The following KIF21B variants were observed in gnomAD, a reference collection of about 807,000 sequenced individuals.
KIF21B encodes kinesin family member 21B, also known as kinesin-like protein KIF21B.
In KIF21B, 85 loss-of-function variants were observed where a neutral mutation model predicts 192.9. The ratio of observed to expected loss-of-function variants is 0.44; its 90% CI spans 0.37 to 0.53. The LOEUF is 0.53. Among genes scored for constraint, KIF21B ranks in the 20% least tolerant of loss-of-function variants. The probability of loss-of-function intolerance (pLI) is 0.00; values close to 1 mark genes in which losing one functional copy is unlikely to be tolerated. For missense variants in KIF21B, 1,716 were observed against 2,194.8 expected (o/e 0.78, Z 4.36); for synonymous variants, 832 against 884.6 (o/e 0.94, Z 1.05).
intron 21 of KIF21B, 32 bp from the exon 22 acceptor site, chr1:200,988,963 C>T: frequency 6.3e-7 from 1 of 1,582,970 alleles, no homozygotes; most frequent in Non-Finnish European, 8.6e-7. Flanking sequence ...TGGAGTTACC[C>T]CTCCTGGGGG....
chr1:200,996,310 C>T lies in KIF21B; in HGVS notation c.2163G>A (p.Leu721=), dbSNP rs1267471214. Residue 721 remains leucine (L), a synonymous_variant, in exon 15 of 35, where the codon CTG becomes CTA. Transcript: ENST00000461742. ...EKRLREMNRD[L]QKLQAAQKEH... is the part of the protein sequence containing the mutation. ...CTTTCTGGGCGGCCTGCAGCTTCTG[C>T]AGGTCCCGGTTCATCTCCCGCAGCC... The T allele has an allele frequency of 4.3e-6, 7 of 1,614,048 alleles. No homozygotes were observed. Among genetic ancestry groups the T allele is most frequent in the Non-Finnish European group, 5.9e-6 (7 of 1,180,044 alleles).
At chr1:200,995,463 C>G (rs1367479317) in intron 15 of KIF21B, among the ~76,000 whole-genome samples, 1 of 152,212 alleles carries the variant, frequency 6.6e-6, no homozygotes, top group East Asian at 1.9e-4. Context: ...GGAGCCAGAA[C>G]ACACCAGACA....
At chr1:201,007,916 G>GAC (rs1192745410) in intron 3 of KIF21B, among the ~76,000 whole-genome samples, 1 of 152,128 alleles carries the variant, frequency 6.6e-6, no homozygotes, top group Admixed American at 6.5e-5. Flanking sequence ...TATCAGAAGC[G>GAC]AAAGTCCAGA....
At chr1:201,012,836 G>A (rs1401963628) in intron 1 of KIF21B, among the ~76,000 whole-genome samples, 4 of 152,068 alleles carry the variant, frequency 2.6e-5, no homozygotes, top group Non-Finnish European at 4.4e-5. Flanking sequence ...TAGAGACAAC[G>A]TTTTGCCATG....
intron 3 of KIF21B, among the ~76,000 whole-genome samples, chr1:201,007,649 C>G (rs1377536481): frequency 6.6e-6 from 1 of 151,306 alleles, no homozygotes; most frequent in Non-Finnish European, 1.5e-5. Flanking sequence ...CACACACACA[C>G]ACAGACGCGC....
chr1:201,010,291 A>C (rs1267216670), intron 1 of KIF21B, among the ~76,000 whole-genome samples: 1 of 152,156 alleles, frequency 6.6e-6, no homozygotes, highest in Non-Finnish European at 1.5e-5. Flanking sequence ...TCCCTTGTGA[A>C]GGGCAGGGAC....
chr1:200,996,201 C>A lies in KIF21B; in HGVS notation c.2272G>T (p.Ala758Ser). The change falls in exon 15 of 35, where the codon GCC becomes TCC. Residue 758 changes from alanine to serine, a missense_variant. Physicochemically the swap from Ala to Ser is moderately conservative, Grantham distance 99. Coordinates refer to ENST00000461742, the MANE Select transcript of KIF21B (RefSeq NM_001252102.2). The part of the protein sequence containing the change: ...LQAEVAEMKK[A>S]KVALMKQMRE... ...CTCACACCCTCGGCCCCTACCTTGGCCTTCTTCATCTCAGCCACCTCGGCC... is the reference window on the plus strand; with the variant it reads ...CTCACACCCTCGGCCCCTACCTTGGACTTCTTCATCTCAGCCACCTCGGCC... 1 of 1,613,008 alleles carries A rather than the reference C, an allele frequency of 6.2e-7. No individual in the cohort carries two copies. The highest frequency in any genetic ancestry group is 1.1e-5 in the South Asian group (1 of 91,020).
At chr1:201,019,047 G>C (rs1416537041) in intron 1 of KIF21B, among the ~76,000 whole-genome samples, 3 of 152,130 alleles carry the variant, frequency 2.0e-5, no homozygotes, top group Non-Finnish European at 2.9e-5. Context: ...TGATTCTCCT[G>C]TCTCAGCCTC....
Position 201,023,287 on chromosome 1 carries a change from G to C in KIF21B, c.41+56C>G. 1 of 1,427,962 alleles carries C rather than the reference G, an allele frequency of 7.0e-7. No homozygotes were observed. The allele number at this position is 1,427,962 out of a possible 1,614,324, so 88.5% of individuals were successfully genotyped here. ...CTCGCGCCCCCCGCCCAAAGCCCAC[G>C]CGAGACAAAGCCCGAGGCTTCTCCG... On this transcript the variant is annotated intron_variant, in intron 1 of 34. Transcript: ENST00000461742. The surrounding 1 kb of genome is among the most constrained non-coding windows in gnomAD (Gnocchi z 5.9).
chr1:201,018,452 C>T (rs1291897403), intron 1 of KIF21B, among the ~76,000 whole-genome samples: 1 of 152,242 alleles, frequency 6.6e-6, no homozygotes, highest in Non-Finnish European at 1.5e-5. Flanking sequence ...CTCAGCCCTG[C>T]CACACATCTG....
rs1384804072 is a variant in KIF21B, at chr1:200,977,317, G to A, written c.4220C>T (p.Thr1407Ile). ...ACAATSTRAI[T>I]SAQGEHQINQ... ...GATCTGATGCTCGCCCTGAGCACTG[G>A]TGATGGCACGGGTGGATGTGGCGGC... The change falls in exon 31 of 35, where the codon ACC becomes ATC. Residue 1407 changes from threonine (T) to isoleucine (I), a missense_variant. Coordinates refer to ENST00000461742, the MANE Select transcript of KIF21B (RefSeq NM_001252102.2). The A allele has an allele frequency of 6.2e-7, 1 of 1,614,258 alleles. No individual in the cohort carries two copies. The highest frequency in any genetic ancestry group is 1.7e-5 in the Admixed American group (1 of 60,036).
chr1:200,985,441 T>C (rs1157806156), intron 26 of KIF21B, among the ~76,000 whole-genome samples: 2 of 152,126 alleles, frequency 1.3e-5, no homozygotes, highest in Admixed American at 1.3e-4. Context: ...TGAACCCTGA[T>C]TGTGCCACTA....
At chr1:201,004,242 T>C in intron 7 of KIF21B, 98 bp downstream of exon 7, 1 of 1,007,426 alleles carries the variant, frequency 9.9e-7, no homozygotes, top group South Asian at 1.5e-5. Context: ...GAAGGCCTCC[T>C]CCTCCTGGGG....
chr1:200,988,294 A>C lies in KIF21B; in HGVS notation c.3408+2T>G, dbSNP rs192227581. On this transcript the variant is annotated splice_donor_variant, in intron 24 of 34. Transcript: ENST00000461742. LOFTEE classifies it high-confidence loss of function. Reference sequence around the variant, plus strand: ...CACTGCCTGACTTCCGGCGGGGCTCACCTTGAACTTGAAATCGTCATGGCT... The same window carrying C: ...CACTGCCTGACTTCCGGCGGGGCTCCCCTTGAACTTGAAATCGTCATGGCT... 6.2e-7 allele frequency: 1 copy of C among 1,613,794 alleles called. No homozygotes were observed. The highest frequency in any genetic ancestry group is 2.2e-5 in the East Asian group (1 of 44,882).
chr1:200,979,804 A>G (rs559452777), intron 29 of KIF21B, 89 bp from the exon 30 acceptor site: 2 of 1,136,432 alleles, frequency 1.8e-6, no homozygotes, highest in East Asian at 2.8e-5. Flanking sequence ...TGCCCAGGAT[A>G]GGGGAAAGGG....
chr1:200,997,244 T>A (rs926070374), intron 14 of KIF21B, among the ~76,000 whole-genome samples: 1 of 152,306 alleles, frequency 6.6e-6, no homozygotes, highest in East Asian at 1.9e-4. Context: ...CAATGACATT[T>A]CTTCTCCGAC....
chr1:200,977,374 G>A lies in KIF21B; in HGVS notation c.4163C>T (p.Ser1388Phe), dbSNP rs764882363. ...ATCCCCTGAGATCACCTGGCCCGAG[G>A]ACCTGCCCATCGGAGAAAGGCAAGG... ...DSAKCIRTLTSSGQVISGDAC... is the reference protein window; with the variant it reads ...DSAKCIRTLTFSGQVISGDAC... Residue 1388 changes from serine to phenylalanine, a missense_variant and splice_region_variant, in exon 31 of 35, where the codon TCC becomes TTC. Physicochemically the swap from Ser to Phe is radical, Grantham distance 155. Around this residue, in one of 3 missense-constraint regions of KIF21B, gnomAD observed 580 missense variants for 775.5 expected, o/e 0.75. Coordinates refer to ENST00000461742, the MANE Select transcript of KIF21B (RefSeq NM_001252102.2). 2.5e-6 allele frequency: 4 copies of A among 1,613,632 alleles called. No individual in the cohort carries two copies. Among genetic ancestry groups the A allele is most frequent in the Non-Finnish European group, 3.4e-6 (4 of 1,179,682 alleles).
chr1:200,976,758 G>C lies in KIF21B; in HGVS notation c.4443+18C>G. 6.6e-7 allele frequency: 1 copy of C among 1,517,450 alleles called. No individual in the cohort carries two copies. Among genetic ancestry groups the C allele is most frequent in the Non-Finnish European group, 9.1e-7 (1 of 1,095,554 alleles). The allele number at this position is 1,517,450 out of a possible 1,614,324, so 94.0% of individuals were successfully genotyped here. On this transcript the variant is annotated intron_variant, in intron 32 of 34. Coordinates refer to ENST00000461742, the MANE Select transcript of KIF21B (RefSeq NM_001252102.2). ...GAGTGGAAGACCAGCCCCGACCCAG[G>C]CCTCATAGCTGAGGTACCTTAACGT...
Position 200,973,373 on chromosome 1 carries a change from A to G in KIF21B, c.*148T>C. The G allele has an allele frequency of 1.0e-6, 1 of 955,798 alleles. No individual in the cohort carries two copies. Among genetic ancestry groups the G allele is most frequent in the South Asian group, 2.5e-5 (1 of 39,826 alleles). The allele number at this position is 955,798 out of a possible 1,614,324, so 59.2% of individuals were successfully genotyped here. On this transcript the variant is annotated 3_prime_UTR_variant, in exon 35 of 35. Coordinates refer to ENST00000461742, the MANE Select transcript of KIF21B (RefSeq NM_001252102.2). ...GATGAGGGAACAGTGTCCTGTGGGA[A>G]GGCCAAGGGAGAGGGAGGAGGGCAG...
Sources: allele counts gnomAD v4.1 joint callset (sites outside exome capture counted in the v4.1 genomes callset), GRCh38; gene constraint gnomAD v4.1.1; regional missense constraint gnomAD v4.1.1; non-coding constraint Gnocchi (gnomAD v3.1); transcripts MANE v1.5; gene names NCBI Gene and HGNC (gene_info 2026-07-23, HGNC 2026-07-21).